Variants in JCAD observed in about 807,000 individuals in gnomAD.
JCAD encodes the protein junctional cadherin 5-associated protein.
JCAD carries 40 observed loss-of-function variants against 98.0 expected under a neutral mutation model. The observed-to-expected ratio is 0.41, with a 90% CI of 0.32 to 0.53. The LOEUF is 0.53. Among genes scored for constraint, JCAD ranks in the 20% least tolerant of loss-of-function variants. The pLI is 0.31. For synonymous variants in JCAD, 691 were observed against 682.3 expected, an observed-to-expected ratio of 1.01 and a Z score of -0.20; for missense variants, 1,705 against 1,738.1, an observed-to-expected ratio of 0.98 and a Z score of 0.34.
intron 1 of JCAD, chr10:30,069,841 C>G (rs561309404): frequency 6.6e-6 from 1 of 152,090 alleles, no homozygotes; most frequent in South Asian, 2.1e-4. Flanking sequence ...AACAAAATGG[C>G]CAGAAAACGT....
intron 2 of JCAD, among the ~76,000 whole-genome samples, chr10:30,038,037 G>T (rs556694162): frequency 6.6e-6 from 1 of 151,962 alleles, no homozygotes; most frequent in South Asian, 2.1e-4. Context: ...GCTAGAAATG[G>T]ACACAAATTG....
chr10:30,059,797 TG>T (rs1474181670), upstream of JCAD, among the ~76,000 whole-genome samples: 1 of 152,188 alleles, frequency 6.6e-6, no homozygotes, highest in Non-Finnish European at 1.5e-5. The surrounding 1 kb of genome is among the most constrained non-coding windows in gnomAD (Gnocchi z 5.0). Flanking sequence ...CCTGTGGAAA[TG>T]TCCAAAGACA....
Position 30,026,559 on chromosome 10 carries a change from C to A in JCAD, c.3589G>T (p.Glu1197Ter). Residue 1197 changes from glutamate (E) to a stop codon, truncating the protein, a stop_gained, in exon 3 of 4, where the codon GAG (glutamate) becomes TAG (stop). Transcript: ENST00000375377. LOFTEE classifies it high-confidence loss of function. ...PVPEPEPSPL[E>*]SKFFEQKDVE... ...TCCTTTTGTTCGAAGAACTTGGACT[C>A]CAAGGGGCTGGGCTCAGGCTCAGGG... 1 of 1,614,182 alleles carries A rather than the reference C, an allele frequency of 6.2e-7. No individual in the cohort carries two copies. The highest frequency in any genetic ancestry group is 1.1e-5 in the South Asian group (1 of 91,080).
intron 1 of JCAD, among the ~76,000 whole-genome samples, chr10:30,082,019 T>A (rs932639676): frequency 6.6e-6 from 1 of 152,206 alleles, no homozygotes; most frequent in Non-Finnish European, 1.5e-5. Context: ...CCTCATTTGC[T>A]GATATTTAAA....
intron 1 of JCAD, among the ~76,000 whole-genome samples, chr10:30,098,153 C>A (rs1288076296): frequency 2.0e-5 from 3 of 152,146 alleles, no homozygotes; most frequent in Non-Finnish European, 4.4e-5. Context: ...CTCCTGCGAC[C>A]CTCGGGTCTG....
chr10:30,073,657 C>CCTTG, intron 1 of JCAD, among the ~76,000 whole-genome samples: 1 of 78,338 alleles, frequency 1.3e-5, no homozygotes, highest in Non-Finnish European at 2.9e-5. Flanking sequence ...GTCCTTCCTT[C>CCTTG]CTTCCTTCCT....
At chr10:30,035,793 T>C (rs1053131320) in intron 2 of JCAD, among the ~76,000 whole-genome samples, 1 of 152,208 alleles carries the variant, frequency 6.6e-6, no homozygotes, top group Non-Finnish European at 1.5e-5. Context: ...CAAAGTGGAA[T>C]GTGATCGCCC....
rs1836499183 is a variant in JCAD, at chr10:30,014,692, GA to G, written c.*3190del. On this transcript the variant is annotated 3_prime_UTR_variant, in exon 4 of 4. Transcript: ENST00000375377. ...GAAGCCCCAAACCGAGATGCTGTCA[GA>G]ATAAGTCATTTTGCTGCTGCAAAAA... 2 of 152,112 alleles carry G rather than the reference GA, an allele frequency of 1.3e-5. No homozygotes were observed. The highest frequency in any genetic ancestry group is 4.8e-5 in the African/African-American group (2 of 41,416). 9.4% of individuals were successfully genotyped at this position (152,112 alleles called of 1,614,324 possible).
intron 2 of JCAD, among the ~76,000 whole-genome samples, chr10:30,032,770 G>A (rs945476901): frequency 6.6e-6 from 1 of 152,132 alleles, no homozygotes; most frequent in Non-Finnish European, 1.5e-5. Context: ...CTAGATATCT[G>A]GTATTATGTG....
At chr10:30,054,730 G>T (rs1179922164) in intron 1 of JCAD, among the ~76,000 whole-genome samples, 1 of 150,634 alleles carries the variant, frequency 6.6e-6, no homozygotes, top group Non-Finnish European at 1.5e-5. Context: ...GTGCAGTGGC[G>T]CAATCTCGGC....
chr10:30,021,313 C>T (rs1443121697), intron 3 of JCAD, among the ~76,000 whole-genome samples: 1 of 152,222 alleles, frequency 6.6e-6, no homozygotes, highest in Non-Finnish European at 1.5e-5. Flanking sequence ...ATCCTCCTCC[C>T]TCAGCCTCCC....
chr10:30,057,173 A>G (rs1045748833), intron 1 of JCAD, among the ~76,000 whole-genome samples: 11 of 152,202 alleles, frequency 7.2e-5, no homozygotes, highest in Non-Finnish European at 1.3e-4. Flanking sequence ...CGCTCTCCAG[A>G]TTAATTAGCA....
chr10:30,018,740 C>T (rs762895709), intron 3 of JCAD, among the ~76,000 whole-genome samples: 17 of 152,090 alleles, frequency 1.1e-4, no homozygotes, highest in Admixed American at 5.2e-4. Context: ...CTCACACGTG[C>T]GCCTCCTGTG....
chr10:30,053,910 A>G (rs1837518198), intron 1 of JCAD, among the ~76,000 whole-genome samples: 1 of 152,148 alleles, frequency 6.6e-6, no homozygotes, highest in Non-Finnish European at 1.5e-5. Context: ...TAAAAATCCA[A>G]GAAAAATTAG....
At chr10:30,018,025 T>C (rs754197429) in intron 3 of JCAD, 108 bp from the exon 4 acceptor site, 10 of 779,594 alleles carry the variant, frequency 1.3e-5, no homozygotes, top group Admixed American at 2.8e-5. Context: ...TACAAGTGTA[T>C]AAAGGTTAAT....
At chr10:30,025,090 A>T (rs1303297621) in intron 3 of JCAD, among the ~76,000 whole-genome samples, 2 of 152,172 alleles carry the variant, frequency 1.3e-5, no homozygotes, top group Non-Finnish European at 2.9e-5. Flanking sequence ...TCAAAACAGA[A>T]AATAGAAAGG....
At chr10:30,112,951 C>G (rs567191135) in intron 1 of JCAD, among the ~76,000 whole-genome samples, 1 of 150,272 alleles carries the variant, frequency 6.7e-6, no homozygotes, top group South Asian at 2.1e-4. Context: ...GATAATGGGG[C>G]GTGACTGCTT....
chr10:30,112,859 G>A (rs762292281), intron 1 of JCAD, among the ~76,000 whole-genome samples: 2 of 137,230 alleles, frequency 1.5e-5, no homozygotes, highest in Non-Finnish European at 3.1e-5. Context: ...GCAAAAGAGC[G>A]AGACTCCATC....
intron 2 of JCAD, among the ~76,000 whole-genome samples, chr10:30,041,986 T>C: frequency 6.6e-6 from 1 of 151,628 alleles, no homozygotes; most frequent in Middle Eastern, 3.4e-3. Context: ...GTGTGTGTGT[T>C]TGTGTGTGTG....
Sources: gnomAD v4.1 joint callset for allele counts (sites outside exome capture counted in the v4.1 genomes callset) on GRCh38, gnomAD v4.1.1 for gene constraint, Gnocchi (gnomAD v3.1) non-coding constraint, MANE v1.5 for transcripts, NCBI Gene and HGNC (gene_info 2026-07-23, HGNC 2026-07-21) for gene names.